ZBTB40: variants seen among roughly 807,000 people sequenced by gnomAD.
ZBTB40 encodes the protein zinc finger and BTB domain-containing protein 40.
Under a neutral mutation model 117.5 loss-of-function variants are expected in ZBTB40, and 60 were observed. The ratio of observed to expected loss-of-function variants is 0.51; its 90% confidence interval spans 0.41 to 0.63. ZBTB40 has a LOEUF of 0.63. ZBTB40 is among the 30% of genes least tolerant of loss of function. ZBTB40 has a pLI of 0.00. For synonymous variants in ZBTB40, 525 were observed against 577.1 expected (o/e 0.91, Z 1.29); for missense variants, 1,287 against 1,498.5 (o/e 0.86, Z 2.33).
chr1:22,460,906 A>G (rs1056895298), intron 1 of ZBTB40, among the ~76,000 whole-genome samples: 1 of 152,192 alleles, frequency 6.6e-6, no homozygotes, highest in African/African-American at 2.4e-5. Flanking sequence ...CACTGCAGAC[A>G]GTAAACCCTC....
At chr1:22,470,919 T>C (rs1332463420) in intron 1 of ZBTB40, among the ~76,000 whole-genome samples, 2 of 152,250 alleles carry the variant, frequency 1.3e-5, no homozygotes, top group Admixed American at 6.5e-5. Flanking sequence ...TCTTCTATGA[T>C]TCTGAAGAGA....
At chr1:22,452,935 G>C (rs1232710186) in intron 1 of ZBTB40, 2 of 152,256 alleles carry the variant, frequency 1.3e-5, no homozygotes, top group East Asian at 3.8e-4. Flanking sequence ...ACTTTATGAC[G>C]ACGCTTTATA....
chr1:22,429,916 AC>A (rs763903601), intron 1 of ZBTB40, among the ~76,000 whole-genome samples: 4 of 151,906 alleles, frequency 2.6e-5, no homozygotes, highest in African/African-American at 4.8e-5. Flanking sequence ...AATCGCTTGA[AC>A]CCCGGGAGGC....
At chr1:22,459,569 A>G (rs1044651818) in intron 1 of ZBTB40, among the ~76,000 whole-genome samples, 1 of 152,174 alleles carries the variant, frequency 6.6e-6, no homozygotes, top group Admixed American at 6.5e-5. Context: ...TTGATTGCCA[A>G]TTCATATGCT....
At chr1:22,433,465 A>G (rs1185151597) in intron 1 of ZBTB40, among the ~76,000 whole-genome samples, 1 of 136,426 alleles carries the variant, frequency 7.3e-6, no homozygotes, top group East Asian at 2.2e-4. Context: ...AAAGACAGCT[A>G]AAAATATGGT....
intron 1 of ZBTB40, among the ~76,000 whole-genome samples, chr1:22,477,494 C>T (rs1459741713): frequency 6.6e-6 from 1 of 151,882 alleles, no homozygotes; most frequent in Non-Finnish European, 1.5e-5. Context: ...ACTAAAGATA[C>T]AAAAATTAGC....
At chr1:22,435,425 C>G (rs1274600467) in intron 1 of ZBTB40, among the ~76,000 whole-genome samples, 1 of 152,180 alleles carries the variant, frequency 6.6e-6, no homozygotes. Flanking sequence ...AATATTCCAT[C>G]TCCACCTTAT....
chr1:22,459,375 T>G (rs1179044696), intron 1 of ZBTB40, among the ~76,000 whole-genome samples: 1 of 152,258 alleles, frequency 6.6e-6, no homozygotes, highest in Non-Finnish European at 1.5e-5. Context: ...CATTTGAAAT[T>G]TATCTTAGTA....
rs1464840653 is a variant in ZBTB40 at position 22,506,044 on chromosome 1, T to C, written c.1168-5T>C. On this transcript the variant is annotated splice_region_variant and splice_polypyrimidine_tract_variant and intron_variant, in intron 5 of 17. Coordinates refer to ENST00000375647, the MANE Select transcript of ZBTB40 (RefSeq NM_014870.4). ...TGGTGTCTGGTTGATTGCTTGCCAC[T>C]GCAGGTGATTCTGAATTGCTGTGAG... 1 of 1,614,194 alleles carries C rather than the reference T, an allele frequency of 6.2e-7. No individual in the cohort carries two copies. The highest frequency in any genetic ancestry group is 1.7e-5 in the Admixed American group (1 of 60,028).
rs761180280 is a variant in ZBTB40 at position 22,513,051 on chromosome 1, G to A, written c.2589G>A (p.Pro863=). ...TTCGCCTTCACACCGGGGACCGCCC[G>A]TTCATGTGCAAGCACTGCCTCATGA... is the stretch of plus-strand genomic sequence containing the variant. ...NHLRLHTGDR[P]FMCKHCLMTF... Residue 863 remains proline, a synonymous_variant, in exon 12 of 18, where the codon CCG becomes CCA. Coordinates refer to ENST00000375647, the MANE Select transcript of ZBTB40 (RefSeq NM_014870.4). This position sits in a 1 kb window ranked among gnomAD's most constrained non-coding sequence, Gnocchi z 4.9. 30 of 1,613,990 alleles carry A rather than the reference G, an allele frequency of 1.9e-5. No individual in the cohort carries two copies. The highest frequency in any genetic ancestry group is 2.2e-5 in the South Asian group (2 of 91,072).
At chr1:22,462,554 A>C (rs946690651) in intron 1 of ZBTB40, among the ~76,000 whole-genome samples, 12 of 152,220 alleles carry the variant, frequency 7.9e-5, no homozygotes, top group African/African-American at 2.9e-4. Context: ...ATATATATCT[A>C]AGCCATAGGT....
At chr1:22,525,985 T>C (rs1299042963) in intron 17 of ZBTB40, among the ~76,000 whole-genome samples, 1 of 152,166 alleles carries the variant, frequency 6.6e-6, no homozygotes, top group Non-Finnish European at 1.5e-5. Flanking sequence ...CTGAGCAAAA[T>C]TATAGCAATT....
chr1:22,441,402 C>T (rs551253221), intron 1 of ZBTB40, among the ~76,000 whole-genome samples: 87 of 150,642 alleles, frequency 5.8e-4, no homozygotes, highest in African/African-American at 2.0e-3. Context: ...AACCAAGTTT[C>T]AGTTTATTTT....
At chr1:22,457,007 CCTGTG>C (rs1641019288) in intron 1 of ZBTB40, among the ~76,000 whole-genome samples, 1 of 152,178 alleles carries the variant, frequency 6.6e-6, no homozygotes, top group Non-Finnish European at 1.5e-5. Context: ...GTGGCTCATG[CCTGTG>C]ATCCCAGCAC....
Position 22,482,519 on chromosome 1 carries a change from C to T in ZBTB40, c.-69-7361C>T, listed in dbSNP as rs138086047. ...CTTACCCGGAGTCCATAGTTTACAT[C>T]AGGGTTCACTGTTGGTGTTGTGCAT... is the stretch of plus-strand genomic sequence containing the variant. On this transcript the variant is annotated intron_variant, in intron 1 of 17. Transcript: ENST00000375647. 5.1e-4 allele frequency among the ~76,000 whole-genome samples: 78 copies of T among 152,274 alleles called. No individual in the cohort carries two copies. In the East Asian group the frequency reaches 9.3e-3, roughly 18 times the overall value.
intron 1 of ZBTB40, among the ~76,000 whole-genome samples, chr1:22,435,452 T>C (rs6685039): frequency 0.93 from 140,902 of 152,210 alleles, 66,230 homozygotes; most frequent in East Asian, 1. Flanking sequence ...ACATTTTACT[T>C]CTTTTTCCTT....
In ZBTB40 at chr1:22,445,907, A is replaced by T. The variant is rs568059811; in HGVS notation, c.-70+16893A>T. 2.4e-4 allele frequency among the ~76,000 whole-genome samples: 37 copies of T among 152,050 alleles called. 2 individuals are homozygous for T. The South Asian group carries it at 7.3e-3, about 30-fold the overall frequency. On this transcript the variant is annotated intron_variant, in intron 1 of 8. Transcript: ENST00000650433. ...AACAACTACAACACAACAACATATGATTTAAAGAGACAAAGCAAGCATCAG... is the reference window on the plus strand; with the variant it reads ...AACAACTACAACACAACAACATATGTTTTAAAGAGACAAAGCAAGCATCAG...
chr1:22,439,487 T>C (rs1031233543), intron 1 of ZBTB40, among the ~76,000 whole-genome samples: 1 of 152,244 alleles, frequency 6.6e-6, no homozygotes, highest in African/African-American at 2.4e-5. Context: ...TACATTTATG[T>C]GTTCAATTCA....
chr1:22,465,021 G>A (rs530388953), intron 1 of ZBTB40, among the ~76,000 whole-genome samples: 1 of 152,254 alleles, frequency 6.6e-6, no homozygotes, highest in South Asian at 2.1e-4. Context: ...CCAACCTCTT[G>A]TCCTGCATCC....
Sources: allele counts gnomAD v4.1 joint callset (sites outside exome capture counted in the v4.1 genomes callset), GRCh38; gene constraint gnomAD v4.1.1; non-coding constraint Gnocchi (gnomAD v3.1); transcripts MANE v1.5; gene names NCBI Gene and HGNC (gene_info 2026-07-23, HGNC 2026-07-21).